The following CTNNA3 variants were observed in gnomAD, a reference collection of about 807,000 sequenced individuals.
CTNNA3 encodes the protein catenin alpha-3.
CTNNA3 carries 76 observed loss-of-function variants against 95.7 expected under a neutral mutation model. That is an observed-to-expected ratio of 0.79 (90% confidence interval 0.66 to 0.96). The LOEUF (loss-of-function observed/expected upper bound fraction) is 0.96. Among genes scored for constraint, CTNNA3 ranks in the 40% least tolerant of loss-of-function variants. The probability of loss-of-function intolerance (pLI) is 0.00; values close to 1 mark genes in which losing one functional copy is unlikely to be tolerated. For synonymous variants in CTNNA3, 431 were observed against 374.4 expected, an observed-to-expected ratio of 1.15 and a Z score of -1.74; for missense variants, 1,191 against 1,089.8, an observed-to-expected ratio of 1.09 and a Z score of -1.31.
chr10:67,222,490 A>G (rs1005697635), intron 5 of CTNNA3, among the ~76,000 whole-genome samples: 1 of 152,222 alleles, frequency 6.6e-6, no homozygotes, highest in East Asian at 1.9e-4. Context: ...ATATAAGTGG[A>G]AAATAGAGAA....
chr10:67,347,894 C>A (rs539434804), intron 5 of CTNNA3, among the ~76,000 whole-genome samples: 1 of 150,264 alleles, frequency 6.7e-6, no homozygotes, highest in Non-Finnish European at 1.5e-5. Context: ...CATTCTGTGG[C>A]ATTTGTTTTT....
chr10:66,643,582 T>C (rs900219277), intron 9 of CTNNA3, among the ~76,000 whole-genome samples: 1 of 152,200 alleles, frequency 6.6e-6, no homozygotes, highest in East Asian at 1.9e-4. Flanking sequence ...ATCAATCATC[T>C]TCTTTTATAA....
At chr10:67,675,325 A>G (rs913220462) in intron 1 of CTNNA3, among the ~76,000 whole-genome samples, 3 of 152,124 alleles carry the variant, frequency 2.0e-5, no homozygotes, top group African/African-American at 4.8e-5. Context: ...CTAAGAAAAC[A>G]TTTATTATTT....
intron 6 of CTNNA3, among the ~76,000 whole-genome samples, chr10:67,187,445 C>T (rs1021835397): frequency 6.6e-6 from 1 of 152,136 alleles, no homozygotes; most frequent in Non-Finnish European, 1.5e-5. Context: ...CTTCATTCAC[C>T]TGAGTCTCAT....
intron 4 of CTNNA3, among the ~76,000 whole-genome samples, chr10:67,535,812 G>GA (rs377740592): frequency 2.5e-5 from 3 of 118,742 alleles, no homozygotes; most frequent in Admixed American, 2.3e-4. Context: ...TCTGCTGAAG[G>GA]AAACGAAGGT....
chr10:67,663,953 C>G (rs1280894425), intron 1 of CTNNA3, among the ~76,000 whole-genome samples: 1 of 152,130 alleles, frequency 6.6e-6, no homozygotes. Context: ...ATTATAAAGT[C>G]CTGTCTCTGG....
At position 67,587,193 on chromosome 10, in the gene CTNNA3, TTGTGTGTGTGTGTGTGTGTG is replaced by T. The variant is rs57140243; in HGVS notation, c.292+19644_292+19663del. ...GCATGCACCATGACACCCAGCTAAC[TTGTGTGTGTGTGTGTGTGTG>T]TGTGTGTGTGTGTGTGTGTGTGTGT... is the stretch of plus-strand genomic sequence containing the variant. On this transcript the variant is annotated intron_variant, in intron 3 of 17. Transcript: ENST00000433211. 3.3e-3 allele frequency among the ~76,000 whole-genome samples: 435 copies of T among 130,150 alleles called. 2 individuals are homozygous for T. Among genetic ancestry groups the T allele is most frequent in the African/African-American group, 0.011 (390 of 35,234 alleles). 85.4% of individuals were successfully genotyped at this position (130,150 alleles called of 152,430 possible). A position where few individuals can be genotyped will look rare whatever the true frequency, so the allele number is the denominator to read the frequency against.
At chr10:67,720,059 C>CTT (rs1444437897) in intron 1 of CTNNA3, among the ~76,000 whole-genome samples, 1 of 135,206 alleles carries the variant, frequency 7.4e-6, no homozygotes, top group African/African-American at 2.8e-5. Flanking sequence ...ATGTAATGCC[C>CTT]TTCTTTGTCT....
chr10:66,422,604 C>T (rs1186368964), intron 11 of CTNNA3, among the ~76,000 whole-genome samples: 2 of 151,950 alleles, frequency 1.3e-5, no homozygotes, highest in Non-Finnish European at 2.9e-5. Flanking sequence ...ATTGTATCTA[C>T]CCCCTCTTCT....
intron 5 of CTNNA3, among the ~76,000 whole-genome samples, chr10:67,396,184 A>ATTATGTT (rs1844700653): frequency 1.3e-5 from 2 of 152,178 alleles, no homozygotes; most frequent in African/African-American, 2.4e-5. Flanking sequence ...ATTATTCAGA[A>ATTATGTT]AGGAAACAGA....
chr10:66,781,670 G>A (rs924511504), intron 7 of CTNNA3, among the ~76,000 whole-genome samples: 2 of 152,214 alleles, frequency 1.3e-5, no homozygotes, highest in African/African-American at 4.8e-5. Flanking sequence ...GAAGTAGGAT[G>A]AAGACTACAA....
chr10:67,054,552 A>G (rs1855307376), intron 7 of CTNNA3: 1 of 152,128 alleles, frequency 6.6e-6, no homozygotes, highest in Non-Finnish European at 1.5e-5. Flanking sequence ...TTAATGCCTT[A>G]TTGGTTCCCT....
intron 11 of CTNNA3, among the ~76,000 whole-genome samples, chr10:66,432,968 G>T (rs1170044093): frequency 1.3e-5 from 2 of 152,150 alleles, no homozygotes; most frequent in African/African-American, 4.8e-5. Context: ...TCCCTGCAAA[G>T]GACAGCAACT....
chr10:66,193,855 A>G (rs2086807292), intron 13 of CTNNA3, among the ~76,000 whole-genome samples: 1 of 152,210 alleles, frequency 6.6e-6, no homozygotes, highest in South Asian at 2.1e-4. Context: ...ATTGAAATCA[A>G]TAAGAATTAC....
At chr10:66,735,395 C>T (rs1849101425) in intron 9 of CTNNA3, among the ~76,000 whole-genome samples, 1 of 152,032 alleles carries the variant, frequency 6.6e-6, no homozygotes, top group East Asian at 1.9e-4. Context: ...ACTAATGGTA[C>T]ATTAAGAATG....
intron 11 of CTNNA3, among the ~76,000 whole-genome samples, chr10:66,385,239 T>C (rs2092879486): frequency 6.6e-6 from 1 of 151,972 alleles, no homozygotes; most frequent in African/African-American, 2.4e-5. Flanking sequence ...ATGAACGCAA[T>C]AAAAATTGAT....
At chr10:67,105,868 T>C (rs1350840132) in intron 7 of CTNNA3, among the ~76,000 whole-genome samples, 2 of 152,210 alleles carry the variant, frequency 1.3e-5, no homozygotes, top group African/African-American at 4.8e-5. Flanking sequence ...TTGCATATTA[T>C]CTGGAGAAAA....
At chr10:66,628,839 T>C (rs970106624) in intron 9 of CTNNA3, among the ~76,000 whole-genome samples, 1 of 152,084 alleles carries the variant, frequency 6.6e-6, no homozygotes, top group African/African-American at 2.4e-5. Flanking sequence ...GCCACTGAGA[T>C]ACATAAGAAG....
intron 13 of CTNNA3, among the ~76,000 whole-genome samples, chr10:66,156,929 TG>T (rs531010884): frequency 3.2e-4 from 49 of 152,114 alleles, no homozygotes; most frequent in Admixed American, 1.9e-3. Context: ...AAGGTGACTA[TG>T]GCTGTCTTGT....
Sources: allele counts gnomAD v4.1 joint callset (sites outside exome capture counted in the v4.1 genomes callset), GRCh38; gene constraint gnomAD v4.1.1; transcripts MANE v1.5; gene names NCBI Gene and HGNC (gene_info 2026-07-23, HGNC 2026-07-21).